Variants in VWCE observed in about 807,000 individuals in gnomAD.
VWCE encodes the protein von Willebrand factor C and EGF domains, also known as von Willebrand factor C and EGF domain-containing protein.
In VWCE, 68 loss-of-function variants were observed where a neutral mutation model predicts 102.9. The observed-to-expected ratio is 0.66, with a 90% CI of 0.54 to 0.81. The LOEUF is 0.81. Among genes scored for constraint, VWCE ranks in the 30% least tolerant of loss-of-function variants. The probability of loss-of-function intolerance (pLI) is 0.00; values close to 1 mark genes in which losing one functional copy is unlikely to be tolerated. For synonymous variants in VWCE, 497 were observed against 515.4 expected (o/e 0.96, Z 0.48); for missense variants, 1,137 against 1,263.6 (o/e 0.90, Z 1.52).
intron 1 of VWCE, among the ~76,000 whole-genome samples, chr11:61,291,936 T>C (rs1855516016): frequency 6.6e-6 from 1 of 152,222 alleles, no homozygotes; most frequent in African/African-American, 2.4e-5. Flanking sequence ...AGAAAGGTTC[T>C]TATGGCTGGG....
Position 61,258,807 on chromosome 11 carries a change from G to A in VWCE, c.2736C>T (p.Pro912=). 3 of 1,506,718 alleles carry A rather than the reference G, an allele frequency of 2.0e-6. No homozygotes were observed. The highest frequency in any genetic ancestry group is 2.7e-6 in the Non-Finnish European group (3 of 1,129,450). 93.3% of individuals were successfully genotyped at this position (1,506,718 alleles called of 1,614,324 possible). Residue 912 remains proline (P), a synonymous_variant, in exon 20 of 20, where the codon CCC becomes CCT. Transcript: ENST00000335613. ...SMMDPSPSKT[P]ITLLGPRVLS... ...GCACGCGAGGCCCGAGGAGGGTGAT[G>A]GGGGTCTTCGAGGGGCTGGGGTCCA...
At position 61,294,935 on chromosome 11, in the gene VWCE, C is replaced by G; in HGVS notation, c.103G>C (p.Ala35Pro). The change falls in exon 1 of 20, where the codon GCC becomes CCC. Residue 35 changes from alanine to proline, a missense_variant. Physicochemically the swap from Ala to Pro is conservative, Grantham distance 27 (BLOSUM62 -1). Transcript: ENST00000335613. This position sits in a 1 kb window ranked among gnomAD's most constrained non-coding sequence, Gnocchi z 6.3. ...GGAGCTCCGGGCGCTTACCTCTCGG[C>G]CGCGAAGTGCCCGGGCGGCTTCCTC... is the stretch of plus-strand genomic sequence containing the variant. ...TGRKPPGHFAAERRRLGPHVC... is the reference protein window; with the variant it reads ...TGRKPPGHFAPERRRLGPHVC... 3 of 1,439,148 alleles carry G rather than the reference C, an allele frequency of 2.1e-6. No homozygotes were observed. Among genetic ancestry groups the G allele is most frequent in the Non-Finnish European group, 2.7e-6 (3 of 1,094,788 alleles). 89.1% of individuals were successfully genotyped at this position (1,439,148 alleles called of 1,614,324 possible).
intron 15 of VWCE, 84 bp downstream of exon 15, chr11:61,268,838 T>C: frequency 7.4e-7 from 1 of 1,359,884 alleles, no homozygotes; most frequent in South Asian, 1.2e-5. Flanking sequence ...TAGGACGACA[T>C]GAGATGAAGG....
Position 61,286,378 on chromosome 11 carries a change from T to A in VWCE, c.477A>T (p.Glu159Asp). ...SSCEGHCVNT[E>D]GGFVCECGPG... ...GCCCACACTCGCACACAAACCCACC[T>A]TCTGTGTTCACACAGTGGCCCTCGC... The change falls in exon 5 of 20, where the codon GAA (glutamate) becomes GAT (aspartate). Residue 159 changes from glutamate (E) to aspartate (D), a missense_variant. Physicochemically the swap from Glu to Asp is conservative, Grantham distance 45. Coordinates refer to ENST00000335613, the MANE Select transcript of VWCE (RefSeq NM_152718.2). The A allele has an allele frequency of 6.2e-7, 1 of 1,612,876 alleles. No homozygotes were observed. Among genetic ancestry groups the A allele is most frequent in the Non-Finnish European group, 8.5e-7 (1 of 1,180,030 alleles).
intron 11 of VWCE, among the ~76,000 whole-genome samples, chr11:61,276,347 G>A (rs1479906424): frequency 6.6e-6 from 1 of 151,626 alleles, no homozygotes; most frequent in Admixed American, 6.6e-5. Context: ...CCTGGGAGGC[G>A]GAGGTTGCAG....
chr11:61,271,454 C>G (rs921502207), intron 14 of VWCE: 17 of 464,192 alleles, frequency 3.7e-5, no homozygotes, highest in Non-Finnish European at 5.6e-5. Flanking sequence ...CAACAATACA[C>G]ACTTCTTAAG....
chr11:61,262,730 G>A (rs902012478), intron 19 of VWCE, among the ~76,000 whole-genome samples: 2 of 152,114 alleles, frequency 1.3e-5, no homozygotes, highest in African/African-American at 2.4e-5. Flanking sequence ...AAGGTCAAAG[G>A]AGTTAAACAA....
chr11:61,281,658 G>C (rs894895770), intron 7 of VWCE, 128 bp downstream of exon 7: 3 of 1,276,330 alleles, frequency 2.4e-6, no homozygotes, highest in Non-Finnish European at 3.1e-6. Flanking sequence ...GCGGGGCCAG[G>C]AGCTGAGAGG....
chr11:61,286,965 C>T (rs953130218), intron 4 of VWCE, among the ~76,000 whole-genome samples: 2 of 149,594 alleles, frequency 1.3e-5, no homozygotes, highest in East Asian at 2.0e-4. Context: ...GGCGCGGTGG[C>T]GGGCACCTGT....
Position 61,259,040 on chromosome 11 carries a change from G to A in VWCE, c.2503C>T (p.Pro835Ser), listed in dbSNP as rs746809824. The A allele has an allele frequency of 1.9e-6, 3 of 1,613,948 alleles. No homozygotes were observed. The highest frequency in any genetic ancestry group is 1.7e-5 in the Admixed American group (1 of 60,018). Residue 835 changes from proline to serine, a missense_variant, in exon 20 of 20, where the codon CCA becomes TCA. Pro to Ser is a moderately conservative substitution (Grantham distance 74). Around this residue, in one of 5 missense-constraint regions of VWCE, gnomAD observed 316 missense variants for 319.3 expected, o/e 0.99. Coordinates refer to ENST00000335613, the MANE Select transcript of VWCE (RefSeq NM_152718.2). Reference sequence around the variant, plus strand: ...CGAGGGGAGGCCCCAGGCTCCCCTGGGAAAGTGGCTGTCAGCCCCAAAGCG... The same window carrying A: ...CGAGGGGAGGCCCCAGGCTCCCCTGAGAAAGTGGCTGTCAGCCCCAAAGCG... ...SLALGLTATFPGEPGASPRLS... is the reference protein window; with the variant it reads ...SLALGLTATFSGEPGASPRLS...
chr11:61,264,934 T>G (rs1854466137), intron 18 of VWCE, 22 bp downstream of exon 18: 1 of 1,612,600 alleles, frequency 6.2e-7, no homozygotes, highest in Admixed American at 1.7e-5. Flanking sequence ...GGGCCGCTCC[T>G]GGGTTCCCAG....
rs1008425892 is a variant in VWCE, at chr11:61,279,353, C to T, written c.1325-877G>A. 3.3e-5 allele frequency among the ~76,000 whole-genome samples: 5 copies of T among 152,120 alleles called. No individual in the cohort carries two copies. In the East Asian group the frequency reaches 7.8e-4, roughly 24 times the overall value. On this transcript the variant is annotated intron_variant, in intron 9 of 19. Transcript: ENST00000335613. Reference sequence around the variant, plus strand: ...GGGAGGCCGAGGCGGGCAGATCACTCGAGGTCAGGAGTTCAAGACCAGCCT... The same window carrying T: ...GGGAGGCCGAGGCGGGCAGATCACTTGAGGTCAGGAGTTCAAGACCAGCCT...
At chr11:61,261,597 A>G (rs1178789079) in intron 19 of VWCE, among the ~76,000 whole-genome samples, 1 of 152,006 alleles carries the variant, frequency 6.6e-6, no homozygotes. Flanking sequence ...AAGTAAAAAA[A>G]TTAACCAAGT....
chr11:61,293,326 A>G (rs1263622941), intron 1 of VWCE, among the ~76,000 whole-genome samples: 1 of 148,236 alleles, frequency 6.7e-6, no homozygotes, highest in African/African-American at 2.5e-5. Flanking sequence ...CTGAGGCATG[A>G]GAATCGCTTG....
At chr11:61,291,125 TA>T in intron 3 of VWCE, 138 bp downstream of exon 3, 1 of 1,225,766 alleles carries the variant, frequency 8.2e-7, no homozygotes, top group Non-Finnish European at 1.1e-6. Context: ...TCTTCATCTA[TA>T]AAATGGGCAC....
Position 61,285,935 on chromosome 11 carries a change from G to C in VWCE, c.541+379C>G, listed in dbSNP as rs549806369. Among the ~76,000 whole-genome samples, 4 of 152,232 alleles carry C rather than the reference G, an allele frequency of 2.6e-5. No individual in the cohort carries two copies. The South Asian group carries it at 8.3e-4, about 32-fold the overall frequency. ...CGCCTGGCTAATTTTTGTATTTTTA[G>C]TAGAGACGAGGTTTCACCATGTTGG... On this transcript the variant is annotated intron_variant, in intron 5 of 19. Coordinates refer to ENST00000335613, the MANE Select transcript of VWCE (RefSeq NM_152718.2).
intron 4 of VWCE, among the ~76,000 whole-genome samples, chr11:61,286,840 G>A (rs1855347606): frequency 6.6e-6 from 1 of 151,930 alleles, no homozygotes; most frequent in Admixed American, 6.6e-5. Context: ...GCTCACGCCT[G>A]TAATCCCAGC....
chr11:61,278,453 G>C lies in VWCE; in HGVS notation c.1348C>G (p.Arg450Gly), dbSNP rs766158905. The change falls in exon 10 of 20, where the codon CGA (arginine) becomes GGA (glycine). Residue 450 changes from arginine to glycine, a missense_variant. Physicochemically the swap from Arg to Gly is moderately radical, Grantham distance 125 (BLOSUM62 -2). This residue lies in a region of VWCE where 575 missense variants were observed against 625.9 expected (regional missense o/e 0.92). Transcript: ENST00000335613. ...GGTGAAAACACATCCCCTTCAGCTC[G>C]GACGACACCACTGTGAAAACAGCCT... ...CTGCFHSGVVRAEGDVFSPPN... is the reference protein window; with the variant it reads ...CTGCFHSGVVGAEGDVFSPPN... The C allele has an allele frequency of 1.4e-5, 22 of 1,614,088 alleles. No individual in the cohort carries two copies. Among genetic ancestry groups the C allele is most frequent in the Non-Finnish European group, 1.7e-5 (20 of 1,180,008 alleles).
In VWCE at chr11:61,281,074, G is replaced by A. The variant is rs544833700; in HGVS notation, c.949C>T (p.Arg317Cys). ...AGTCGTGGGGTGGGAGATGGCAGGC[G>A]GGTGGTCCTGACTCCGGCTGGGGGC... is the stretch of plus-strand genomic sequence containing the variant. ...PGPPAGVRTTRLPSPTPRLPT... is the reference protein window; with the variant it reads ...PGPPAGVRTTCLPSPTPRLPT... The change falls in exon 8 of 20, where the codon CGC (arginine) becomes TGC (cysteine). Residue 317 changes from arginine to cysteine, a missense_variant. Arg to Cys is a radical substitution (Grantham distance 180, BLOSUM62 -3). Coordinates refer to ENST00000335613, the MANE Select transcript of VWCE (RefSeq NM_152718.2). 5.0e-6 allele frequency: 8 copies of A among 1,605,456 alleles called. No homozygotes were observed. Among genetic ancestry groups the A allele is most frequent in the Admixed American group, 1.7e-5 (1 of 58,928 alleles).
Sources: allele counts gnomAD v4.1 joint callset (sites outside exome capture counted in the v4.1 genomes callset), GRCh38; gene constraint gnomAD v4.1.1; regional missense constraint gnomAD v4.1.1; non-coding constraint Gnocchi (gnomAD v3.1); transcripts MANE v1.5; gene names NCBI Gene and HGNC (gene_info 2026-07-23, HGNC 2026-07-21).